WWC2: variants seen among roughly 807,000 people sequenced by gnomAD.
The protein encoded by WWC2 is protein WWC2.
Under a neutral mutation model 138.5 loss-of-function variants are expected in WWC2, and 101 were observed. The ratio of observed to expected loss-of-function variants is 0.73; its 90% CI spans 0.62 to 0.86. WWC2 has a LOEUF of 0.86. Among genes scored for constraint, WWC2 ranks in the 40% least tolerant of loss-of-function variants. WWC2 has a pLI of 0.00. For missense variants in WWC2, 1,420 were observed against 1,419.4 expected (o/e 1.00, Z -0.01); for synonymous variants, 558 against 538.4 (o/e 1.04, Z -0.50).
rs200426925 is a variant in WWC2 at position 183,282,913 on chromosome 4, A to G, written c.2883+7A>G. On this transcript the variant is annotated splice_region_variant and intron_variant, in intron 18 of 22. Transcript: ENST00000403733. ...TACTAGAATACCAACACTGGTGACT[A>G]TTCCGCTGTGCTGTCTTAAAACTGA... is the stretch of plus-strand genomic sequence containing the variant. 51 of 1,568,840 alleles carry G rather than the reference A, an allele frequency of 3.3e-5. No individual in the cohort carries two copies. Among genetic ancestry groups the G allele is most frequent in the Non-Finnish European group, 4.2e-5 (48 of 1,156,372 alleles).
intron 1 of WWC2, among the ~76,000 whole-genome samples, chr4:183,185,302 A>G (rs6552652): frequency 0.98 from 149,710 of 152,320 alleles, 73,621 homozygotes; most frequent in Middle Eastern, 1. Context: ...GAAATCCACA[A>G]TGTTGGTCTC....
chr4:183,291,162 C>T (rs1401269202), intron 21 of WWC2, among the ~76,000 whole-genome samples: 1 of 152,212 alleles, frequency 6.6e-6, no homozygotes, highest in East Asian at 1.9e-4. Flanking sequence ...GAGCCAGACA[C>T]TCCAGGTCTA....
intron 1 of WWC2, among the ~76,000 whole-genome samples, chr4:183,169,376 T>C (rs761643894): frequency 1.3e-5 from 2 of 152,222 alleles, no homozygotes; most frequent in Non-Finnish European, 2.9e-5. Flanking sequence ...TATCGAAGAC[T>C]GGAAAACCTG....
intron 4 of WWC2, among the ~76,000 whole-genome samples, chr4:183,214,647 C>G (rs566931057): frequency 1.2e-3 from 186 of 152,010 alleles, no homozygotes; most frequent in African/African-American, 4.4e-3. Flanking sequence ...ACAAAATTAG[C>G]CAGGTGTGGT....
chr4:183,181,633 C>CA (rs1256646013), intron 1 of WWC2, among the ~76,000 whole-genome samples: 1 of 152,058 alleles, frequency 6.6e-6, no homozygotes, highest in Non-Finnish European at 1.5e-5. Context: ...ATACAGTGTA[C>CA]AAAATACGTT....
intron 1 of WWC2, among the ~76,000 whole-genome samples, chr4:183,109,082 A>C (rs1732143964): frequency 6.6e-6 from 1 of 152,226 alleles, no homozygotes; most frequent in Non-Finnish European, 1.5e-5. Flanking sequence ...CACAAAACGA[A>C]GTGATTTTCT....
At chr4:183,268,343 A>G (rs914869237) in intron 14 of WWC2, among the ~76,000 whole-genome samples, 1 of 152,224 alleles carries the variant, frequency 6.6e-6, no homozygotes, top group Non-Finnish European at 1.5e-5. Context: ...TTGTTTTTCT[A>G]TAACTCTTCC....
At chr4:183,299,519 T>G (rs1473656277) in intron 21 of WWC2, among the ~76,000 whole-genome samples, 2 of 152,212 alleles carry the variant, frequency 1.3e-5, no homozygotes, top group Non-Finnish European at 2.9e-5. Flanking sequence ...ATAAACTGTT[T>G]GAGTTGTGTA....
At chr4:183,189,019 C>A (rs533132397) in intron 1 of WWC2, among the ~76,000 whole-genome samples, 4 of 152,246 alleles carry the variant, frequency 2.6e-5, no homozygotes, top group African/African-American at 9.6e-5. Flanking sequence ...TTATTATCTT[C>A]CAAAGTGGTT....
chr4:183,099,262 C>T lies in WWC2; in HGVS notation c.-230C>T. ...AGCGGCGGCGAGGGGGAGGAGGGTT[C>T]GCTCGCCGGCTCCGACGCAGACATG... On this transcript the variant is annotated 5_prime_UTR_variant, in exon 1 of 23. Transcript: ENST00000403733. 1 of 237,184 alleles carries T rather than the reference C, an allele frequency of 4.2e-6. No homozygotes were observed. The highest frequency in any genetic ancestry group is 7.7e-6 in the Non-Finnish European group (1 of 129,670). 14.7% of individuals were successfully genotyped at this position (237,184 alleles called of 1,614,324 possible).
intron 16 of WWC2, among the ~76,000 whole-genome samples, chr4:183,272,548 A>G (rs1231866300): frequency 6.6e-6 from 1 of 152,166 alleles, no homozygotes; most frequent in Non-Finnish European, 1.5e-5. Flanking sequence ...ATATTAGAAC[A>G]TTGTCATCGT....
Position 183,099,277 on chromosome 4 carries a change from A to G in WWC2, c.-215A>G. 3.5e-6 allele frequency: 1 copy of G among 282,342 alleles called. No individual in the cohort carries two copies. The highest frequency in any genetic ancestry group is 6.0e-6 in the Non-Finnish European group (1 of 166,046). 17.5% of individuals were successfully genotyped at this position (282,342 alleles called of 1,614,324 possible). A position where few individuals can be genotyped will look rare whatever the true frequency, so the allele number is the denominator to read the frequency against. ...GAGGAGGGTTCGCTCGCCGGCTCCG[A>G]CGCAGACATGGTGGACTGATCCGCA... is the stretch of plus-strand genomic sequence containing the variant. On this transcript the variant is annotated 5_prime_UTR_variant, in exon 1 of 23. Transcript: ENST00000403733.
intron 17 of WWC2, 100 bp downstream of exon 17, chr4:183,280,997 TG>T (rs1409411168): frequency 7.0e-7 from 1 of 1,436,142 alleles, no homozygotes; most frequent in African/African-American, 1.5e-5. Context: ...TCCAGAATGA[TG>T]GAATGCACTG....
chr4:183,134,239 T>A (rs763107788), intron 1 of WWC2, among the ~76,000 whole-genome samples: 1 of 152,118 alleles, frequency 6.6e-6, no homozygotes, highest in Non-Finnish European at 1.5e-5. Context: ...TTGTTCATCT[T>A]TTTTATAGTT....
At chr4:183,145,049 C>T (rs1733412553) in intron 1 of WWC2, among the ~76,000 whole-genome samples, 1 of 152,132 alleles carries the variant, frequency 6.6e-6, no homozygotes. Flanking sequence ...TGGTTTGATA[C>T]CCTGTAGTTA....
At chr4:183,309,693 TTACA>T (rs1739146591) in intron 21 of WWC2, among the ~76,000 whole-genome samples, 1 of 152,216 alleles carries the variant, frequency 6.6e-6, no homozygotes, top group South Asian at 2.1e-4. Context: ...AAGCAGATTC[TTACA>T]TACAATTCAG....
At chr4:183,199,043 A>G (rs958245344) in intron 2 of WWC2, among the ~76,000 whole-genome samples, 3 of 152,166 alleles carry the variant, frequency 2.0e-5, no homozygotes, top group South Asian at 2.1e-4. Context: ...GTGTAGCCAC[A>G]TCTACTTGGA....
chr4:183,192,306 A>C (rs1179087574), intron 1 of WWC2, among the ~76,000 whole-genome samples: 1 of 152,240 alleles, frequency 6.6e-6, no homozygotes, highest in African/African-American at 2.4e-5. Flanking sequence ...TTCAAAGAGA[A>C]GGAAACTGAA....
intron 1 of WWC2, among the ~76,000 whole-genome samples, chr4:183,137,246 A>G (rs1250232993): frequency 1.3e-5 from 2 of 152,218 alleles, no homozygotes; most frequent in African/African-American, 4.8e-5. Flanking sequence ...TTTTGACTTT[A>G]AAACTTTAAT....
Sources: allele counts gnomAD v4.1 joint callset (sites outside exome capture counted in the v4.1 genomes callset), GRCh38; gene constraint gnomAD v4.1.1; transcripts MANE v1.5; gene names NCBI Gene and HGNC (gene_info 2026-07-23, HGNC 2026-07-21).